The following MCF2L variants were observed in gnomAD, a reference collection of about 807,000 sequenced individuals.
MCF2L encodes the protein MCF.2 cell line derived transforming sequence like.
Under a neutral mutation model 153.4 loss-of-function variants are expected in MCF2L, and 97 were observed. The observed-to-expected ratio is 0.63, with a 90% confidence interval of 0.54 to 0.75. MCF2L has a LOEUF of 0.75. Ranked by LOEUF, MCF2L falls within the 30% of genes least tolerant of loss-of-function variation. The pLI is 0.00. For synonymous variants in MCF2L, 659 were observed against 632.2 expected, an observed-to-expected ratio of 1.04 and a Z score of -0.64; for missense variants, 1,347 against 1,495.2, an observed-to-expected ratio of 0.90 and a Z score of 1.64.
rs2031989477 is a variant in MCF2L, at chr13:113,064,119, G to T, written c.490-185G>T. Among the ~76,000 whole-genome samples, 1 of 152,208 alleles carries T rather than the reference G, an allele frequency of 6.6e-6. No homozygotes were observed. Among genetic ancestry groups the T allele is most frequent in the Admixed American group, 6.5e-5 (1 of 15,284 alleles). On this transcript the variant is annotated intron_variant, in intron 5 of 29. Coordinates refer to ENST00000535094, the MANE Select transcript of MCF2L (RefSeq NM_001112732.3). This position sits in a 1 kb window ranked among gnomAD's most constrained non-coding sequence, Gnocchi z 6.0. ...CACCACGAGAGGAGGTGTCGGCGGG[G>T]CGCTGAGCTGCATCCCATCCGCACA...
intron 2 of MCF2L, among the ~76,000 whole-genome samples, chr13:112,915,411 A>AC (rs1491292898): frequency 5.1e-4 from 8 of 15,642 alleles, no homozygotes; most frequent in East Asian, 5.0e-3. Flanking sequence ...TCTGTCTCAC[A>AC]AAAAAAAAAA....
At chr13:112,978,164 A>C (rs1198747691) in intron 1 of MCF2L, among the ~76,000 whole-genome samples, 1 of 152,216 alleles carries the variant, frequency 6.6e-6, no homozygotes, top group African/African-American at 2.4e-5. Flanking sequence ...CATGTGAGTC[A>C]GGTTAGGGCT....
chr13:112,978,435 A>C (rs2082287845), intron 1 of MCF2L, among the ~76,000 whole-genome samples: 1 of 152,154 alleles, frequency 6.6e-6, no homozygotes, highest in Admixed American at 6.5e-5. Flanking sequence ...GGCTCTCAAC[A>C]CCTGTAGCTC....
chr13:112,968,512 T>C, upstream of MCF2L: 1 of 1,577,792 alleles, frequency 6.3e-7, no homozygotes, highest in Non-Finnish European at 8.6e-7. Context: ...CTTCCCTCAC[T>C]GGGTCCTGCG....
chr13:113,078,476 C>A (rs778355354), intron 14 of MCF2L, 40 bp downstream of exon 14: 5 of 1,566,648 alleles, frequency 3.2e-6, no homozygotes, highest in Non-Finnish European at 3.5e-6. Flanking sequence ...CCACACCCCC[C>A]TCCTTGGTTC....
intron 2 of MCF2L, among the ~76,000 whole-genome samples, chr13:112,934,764 C>T (rs1271664976): frequency 6.6e-6 from 1 of 152,136 alleles, no homozygotes; most frequent in East Asian, 1.9e-4. Flanking sequence ...GGTTGGAGGC[C>T]ACTGAGCACT....
At chr13:112,973,240 A>G (rs1322691448) in intron 1 of MCF2L, among the ~76,000 whole-genome samples, 3 of 152,172 alleles carry the variant, frequency 2.0e-5, no homozygotes, top group East Asian at 3.9e-4. Flanking sequence ...TCAAGGAGCC[A>G]TGATTTCTTT....
intron 13 of MCF2L, 121 bp from the exon 14 acceptor site, chr13:113,078,242 C>T: frequency 1.3e-6 from 1 of 783,896 alleles, no homozygotes; most frequent in Non-Finnish European, 2.2e-6. Flanking sequence ...GCCCACGCCA[C>T]CACCTGTGGC....
At chr13:112,968,262 C>G (rs2081931266), upstream of MCF2L, among the ~76,000 whole-genome samples, 2 of 151,962 alleles carry the variant, frequency 1.3e-5, no homozygotes, top group South Asian at 4.1e-4. Flanking sequence ...GCCTGAAATA[C>G]TGTTTCTTTA....
rs9603808 is a variant in MCF2L, at chr13:113,053,344, T to C, written c.370-7249T>C. On this transcript the variant is annotated intron_variant, in intron 4 of 29. Coordinates refer to ENST00000535094, the MANE Select transcript of MCF2L (RefSeq NM_001112732.3). This position sits in a 1 kb window ranked among gnomAD's most constrained non-coding sequence, Gnocchi z 4.4. ...GTTTTGCTTTCTGTCTTTTGTGAGA[T>C]TGAGATTTGCGAAGGGTTGAAGCCA... is the stretch of plus-strand genomic sequence containing the variant. Among the ~76,000 whole-genome samples, 51,141 of 152,120 alleles carry C rather than the reference T, an allele frequency of 0.34. 8,817 individuals carry two copies. The highest frequency in any genetic ancestry group is 0.41 in the Middle Eastern group (122 of 294).
At chr13:112,945,746 G>A (rs530676750) in intron 2 of MCF2L, among the ~76,000 whole-genome samples, 3 of 152,362 alleles carry the variant, frequency 2.0e-5, no homozygotes, top group Non-Finnish European at 2.9e-5. Context: ...ATGATAAAGT[G>A]TGCCTGGCAC....
In MCF2L at chr13:113,094,644, G is replaced by A. The variant is rs749258515; in HGVS notation, c.3075+9G>A. On this transcript the variant is annotated intron_variant, in intron 27 of 29. Coordinates refer to ENST00000535094, the MANE Select transcript of MCF2L (RefSeq NM_001112732.3). ...TGGGCCCCAAGAAGCTGGTAACCAC[G>A]GCTTCCCTGTGGGCACTTGGGGTGG... 30 of 1,606,526 alleles carry A rather than the reference G, an allele frequency of 1.9e-5. No homozygotes were observed. The highest frequency in any genetic ancestry group is 5.1e-5 in the Admixed American group (3 of 59,124).
rs72660095 is a variant in MCF2L, at chr13:112,904,735, G to A, written c.169+2364G>A. ...CTGCTCTGTGGAAAGAGAAGCGCAC[G>A]GCGTGGACTGCGGCCTGCGGGAGAA... On this transcript the variant is annotated intron_variant, in intron 2 of 29. Coordinates refer to the MCF2L transcript ENST00000375608. The surrounding 1 kb of genome is among the most constrained non-coding windows in gnomAD (Gnocchi z 4.2). 0.026 allele frequency among the ~76,000 whole-genome samples: 3,939 copies of A among 152,302 alleles called. 84 individuals carry two copies. The highest frequency in any genetic ancestry group is 0.049 in the East Asian group (251 of 5,170).
At chr13:113,007,015 C>T (rs374770602) in intron 1 of MCF2L, among the ~76,000 whole-genome samples, 12 of 152,272 alleles carry the variant, frequency 7.9e-5, no homozygotes, top group East Asian at 1.9e-4. Flanking sequence ...AAGGAACCTG[C>T]GTCCCTCATC....
rs1033352678 is a variant in MCF2L at position 112,993,015 on chromosome 13, G to A, written c.80-21748G>A. Reference sequence around the variant, plus strand: ...CTCTGCCAAACGTGCGCGGGCATCAGGCAGGAGTCCATGGGCCATGGGGGT... The same window carrying A: ...CTCTGCCAAACGTGCGCGGGCATCAAGCAGGAGTCCATGGGCCATGGGGGT... On this transcript the variant is annotated intron_variant, in intron 1 of 29. Coordinates refer to ENST00000535094, the MANE Select transcript of MCF2L (RefSeq NM_001112732.3). This position sits in a 1 kb window ranked among gnomAD's most constrained non-coding sequence, Gnocchi z 4.6. Among the ~76,000 whole-genome samples, 5 of 152,278 alleles carry A rather than the reference G, an allele frequency of 3.3e-5. No homozygotes were observed. The highest frequency in any genetic ancestry group is 3.3e-4 in the Admixed American group (5 of 15,292).
upstream of MCF2L, among the ~76,000 whole-genome samples, chr13:112,968,142 T>TGGC (rs1555355445): frequency 1.0e-4 from 6 of 59,496 alleles, no homozygotes; most frequent in South Asian, 2.1e-3. Flanking sequence ...GGGAGTGAGG[T>TGGC]GGGGGGGGGG....
intron 2 of MCF2L, among the ~76,000 whole-genome samples, chr13:112,945,104 G>A (rs1452970221): frequency 1.3e-5 from 2 of 151,226 alleles, no homozygotes; most frequent in Non-Finnish European, 2.9e-5. Context: ...CTCAGTCTTG[G>A]TGCTCTATAT....
At chr13:113,052,196 C>T (rs2087383844) in intron 4 of MCF2L, among the ~76,000 whole-genome samples, 1 of 152,142 alleles carries the variant, frequency 6.6e-6, no homozygotes, top group South Asian at 2.1e-4. Context: ...CATGATTTGT[C>T]AGTTAAATGT....
chr13:113,021,170 CTGTA>C (rs1442894946), intron 2 of MCF2L, among the ~76,000 whole-genome samples: 1 of 151,954 alleles, frequency 6.6e-6, no homozygotes, highest in Admixed American at 6.6e-5. Flanking sequence ...GTGTGTCTAG[CTGTA>C]TGTGCAGCTA....
Sources: allele counts gnomAD v4.1 joint callset (sites outside exome capture counted in the v4.1 genomes callset), GRCh38; gene constraint gnomAD v4.1.1; non-coding constraint Gnocchi (gnomAD v3.1); transcripts MANE v1.5; gene names NCBI Gene and HGNC (gene_info 2026-07-23, HGNC 2026-07-21).